Variants in CHST3 observed in about 807,000 individuals in gnomAD.
CHST3 encodes C6ST-1.
CHST3 carries 20 observed loss-of-function variants against 35.4 expected under a neutral mutation model. That is an observed-to-expected ratio of 0.57 (90% CI 0.40 to 0.82). The LOEUF (loss-of-function observed/expected upper bound fraction) is 0.82, where lower values mean the gene tolerates loss of function less well. Ranked by LOEUF, CHST3 falls within the 40% of genes least tolerant of loss-of-function variation. The pLI is 0.00. For missense variants in CHST3, 693 were observed against 670.1 expected, an observed-to-expected ratio of 1.03 and a Z score of -0.38; for synonymous variants, 334 against 295.9, an observed-to-expected ratio of 1.13 and a Z score of -1.32.
At chr10:72,004,578 C>A (rs1269434621) in intron 1 of CHST3, among the ~76,000 whole-genome samples, 2 of 152,172 alleles carry the variant, frequency 1.3e-5, no homozygotes, top group Non-Finnish European at 2.9e-5. Context: ...CACAGTGTTA[C>A]ATAGCAAACA....
rs904507149 is a variant in CHST3, at chr10:72,009,132, G to A, written c.*661G>A. 3 of 152,290 alleles carry A rather than the reference G, an allele frequency of 2.0e-5. No homozygotes were observed. The highest frequency in any genetic ancestry group is 2.9e-5 in the Non-Finnish European group (2 of 68,072). The allele number at this position is 152,290 out of a possible 1,614,324, so 9.4% of individuals were successfully genotyped here. A position where few individuals can be genotyped will look rare whatever the true frequency, so the allele number is the denominator to read the frequency against. On this transcript the variant is annotated 3_prime_UTR_variant, in exon 3 of 3. Transcript: ENST00000373115. ...ATACATGTACACCATACATAGACAA[G>A]CATCATAAAGGCACAAGTGCACACA...
chr10:71,965,084 C>G (rs1839616443), intron 1 of CHST3, among the ~76,000 whole-genome samples: 3 of 152,224 alleles, frequency 2.0e-5, no homozygotes. Context: ...TCTGCTGCCC[C>G]CGCAGCCCCC....
At chr10:71,984,076 G>A (rs563657469) in intron 1 of CHST3, among the ~76,000 whole-genome samples, 4 of 152,210 alleles carry the variant, frequency 2.6e-5, no homozygotes, top group East Asian at 1.9e-4. Flanking sequence ...AGGCTGGAGC[G>A]CAGTGGCGCA....
At chr10:71,975,308 C>G (rs1416891548) in intron 1 of CHST3, among the ~76,000 whole-genome samples, 2 of 152,188 alleles carry the variant, frequency 1.3e-5, no homozygotes, top group Non-Finnish European at 2.9e-5. Flanking sequence ...GCAACTTGTC[C>G]AAGGCCACAC....
Position 72,008,057 on chromosome 10 carries a change from G to A in CHST3, c.1026G>A (p.Arg342=), listed in dbSNP as rs912650464. ...GGGAAGAGGAGGTGCAGCGGCTGCG[G>A]GGCAACTGCGAGAGCATCCGCCTGT... ...GLREEEVQRL[R]GNCESIRLSA... Residue 342 remains arginine, a synonymous_variant, in exon 3 of 3, where the codon CGG becomes CGA. Coordinates refer to ENST00000373115, the MANE Select transcript of CHST3 (RefSeq NM_004273.5). The A allele has an allele frequency of 7.7e-6, 12 of 1,549,098 alleles. No individual in the cohort carries two copies. Among genetic ancestry groups the A allele is most frequent in the Non-Finnish European group, 1.0e-5 (12 of 1,146,398 alleles).
intron 1 of CHST3, among the ~76,000 whole-genome samples, chr10:71,985,544 T>C (rs767415773): frequency 8.5e-5 from 13 of 152,206 alleles, no homozygotes; most frequent in Non-Finnish European, 1.5e-4. Context: ...TGAACCCAAC[T>C]AGTTCACTCC....
intron 1 of CHST3, among the ~76,000 whole-genome samples, chr10:71,989,305 G>A (rs1839876627): frequency 6.6e-6 from 1 of 152,192 alleles, no homozygotes; most frequent in South Asian, 2.1e-4. Flanking sequence ...AAAATAGCGA[G>A]GTGTGGTGGC....
At chr10:72,006,779 G>A (rs943988686) in intron 2 of CHST3, among the ~76,000 whole-genome samples, 10 of 152,290 alleles carry the variant, frequency 6.6e-5, no homozygotes, top group Admixed American at 1.3e-4. Context: ...AGCAAGGACC[G>A]TTCTAGCTTG....
At chr10:71,992,705 G>C (rs190544477) in intron 1 of CHST3, among the ~76,000 whole-genome samples, 119 of 146,802 alleles carry the variant, frequency 8.1e-4, no homozygotes, top group African/African-American at 3.0e-3. Context: ...TTGTTGCCCA[G>C]GCTGGAGTGC....
intron 1 of CHST3, among the ~76,000 whole-genome samples, chr10:71,996,117 G>A (rs1244286742): frequency 6.6e-6 from 1 of 152,198 alleles, no homozygotes; most frequent in East Asian, 1.9e-4. Flanking sequence ...GTGTGGAATG[G>A]ATTGGCAGCA....
chr10:71,981,896 C>A (rs1471624649), intron 1 of CHST3, among the ~76,000 whole-genome samples: 1 of 152,236 alleles, frequency 6.6e-6, no homozygotes, highest in Non-Finnish European at 1.5e-5. Flanking sequence ...CAGGGGTGAA[C>A]CCTTGGCACT....
Position 72,008,584 on chromosome 10 carries a change from C to A in CHST3, c.*113C>A. 1.4e-6 allele frequency: 2 copies of A among 1,434,910 alleles called. No individual in the cohort carries two copies. Among genetic ancestry groups the A allele is most frequent in the Non-Finnish European group, 1.8e-6 (2 of 1,098,408 alleles). The allele number at this position is 1,434,910 out of a possible 1,614,324, so 88.9% of individuals were successfully genotyped here. A position where few individuals can be genotyped will look rare whatever the true frequency, so the allele number is the denominator to read the frequency against. On this transcript the variant is annotated 3_prime_UTR_variant, in exon 3 of 3. Coordinates refer to ENST00000373115, the MANE Select transcript of CHST3 (RefSeq NM_004273.5). ...CATGAGCGGGCAGCGCCTCCTGTAGCAGTAGGGCCCCCAGCCAGCGCTCCA... is the reference window on the plus strand; with the variant it reads ...CATGAGCGGGCAGCGCCTCCTGTAGAAGTAGGGCCCCCAGCCAGCGCTCCA...
At chr10:72,005,402 G>T (rs865815211) in intron 1 of CHST3, among the ~76,000 whole-genome samples, 1 of 151,958 alleles carries the variant, frequency 6.6e-6, no homozygotes, top group South Asian at 2.1e-4. Context: ...CCATTACCTG[G>T]ATGCTCCACC....
intron 1 of CHST3, among the ~76,000 whole-genome samples, chr10:71,996,133 G>C (rs896006769): frequency 1.3e-5 from 2 of 152,162 alleles, no homozygotes; most frequent in Non-Finnish European, 2.9e-5. Context: ...CAGCAGTTCT[G>C]TGCCATTTCC....
At chr10:71,984,271 C>G (rs1335424485) in intron 1 of CHST3, among the ~76,000 whole-genome samples, 1 of 152,246 alleles carries the variant, frequency 6.6e-6, no homozygotes, top group Admixed American at 6.5e-5. Flanking sequence ...GATCTGCCCG[C>G]CTCAGCCTCC....
At chr10:71,982,480 C>A (rs375293198) in intron 1 of CHST3, among the ~76,000 whole-genome samples, 1 of 152,190 alleles carries the variant, frequency 6.6e-6, no homozygotes, top group Non-Finnish European at 1.5e-5. Context: ...CAGCTGGGCA[C>A]GGTGGCTTAT....
rs76203678 is a variant in CHST3 at position 71,974,706 on chromosome 10, G to C, written c.-108+10012G>C. ...TCTCACTGTCTGCCGCCCACCTGCT[G>C]TCTGCCCTCTATGGTTCTCCTGATG... On this transcript the variant is annotated intron_variant, in intron 1 of 2. Coordinates refer to ENST00000373115, the MANE Select transcript of CHST3 (RefSeq NM_004273.5). 2.6e-5 allele frequency among the ~76,000 whole-genome samples: 4 copies of C among 152,292 alleles called. No individual in the cohort carries two copies. In the East Asian group the frequency reaches 5.8e-4, roughly 22 times the overall value.
At chr10:71,982,972 C>G (rs1839815130) in intron 1 of CHST3, among the ~76,000 whole-genome samples, 1 of 152,224 alleles carries the variant, frequency 6.6e-6, no homozygotes, top group East Asian at 1.9e-4. Flanking sequence ...CACCACACTG[C>G]CCCCTCTTGG....
At chr10:71,984,272 C>T (rs2131747955) in intron 1 of CHST3, among the ~76,000 whole-genome samples, 1 of 152,368 alleles carries the variant, frequency 6.6e-6, no homozygotes, top group African/African-American at 2.4e-5. Flanking sequence ...ATCTGCCCGC[C>T]TCAGCCTCCC....
Sources: gnomAD v4.1 joint callset for allele counts (sites outside exome capture counted in the v4.1 genomes callset) on GRCh38, gnomAD v4.1.1 for gene constraint, MANE v1.5 for transcripts, NCBI Gene and HGNC (gene_info 2026-07-23, HGNC 2026-07-21) for gene names.